Variants in MGMT observed in about 807,000 individuals in gnomAD.
MGMT encodes methylated-DNA--protein-cysteine methyltransferase.
In MGMT, 14 loss-of-function variants were observed where a neutral mutation model predicts 15.9. The observed-to-expected ratio is 0.88, with a 90% CI of 0.58 to 1.37. The LOEUF is 1.37. Ranked by LOEUF, MGMT falls within the 40% of genes most tolerant of loss-of-function variation. The probability of loss-of-function intolerance (pLI) is 0.00; values close to 1 mark genes in which losing one functional copy is unlikely to be tolerated. For missense variants in MGMT, 282 were observed against 268.1 expected, an observed-to-expected ratio of 1.05 and a Z score of -0.36; for synonymous variants, 130 against 118.2, an observed-to-expected ratio of 1.10 and a Z score of -0.65.
At chr10:129,582,320 G>T (rs891163488) in intron 2 of MGMT, among the ~76,000 whole-genome samples, 7 of 152,224 alleles carry the variant, frequency 4.6e-5, no homozygotes, top group African/African-American at 1.7e-4. Context: ...TCTGTTGTCA[G>T]TGAATTAGTT....
intron 2 of MGMT, among the ~76,000 whole-genome samples, chr10:129,601,031 A>G (rs577941880): frequency 2.5e-4 from 38 of 151,782 alleles, no homozygotes; most frequent in Non-Finnish European, 4.9e-4. Flanking sequence ...TAAGGACCAG[A>G]TTTAAGTAGC....
chr10:129,495,225 A>C (rs1845508269), intron 1 of MGMT, among the ~76,000 whole-genome samples: 1 of 152,250 alleles, frequency 6.6e-6, no homozygotes, highest in South Asian at 2.1e-4. Context: ...TGGTACAAAT[A>C]ACGTAATTTA....
chr10:129,590,711 A>G (rs1343818645), intron 2 of MGMT, among the ~76,000 whole-genome samples: 3 of 152,226 alleles, frequency 2.0e-5, no homozygotes, highest in Admixed American at 6.5e-5. Context: ...AAGATCCAGC[A>G]AGATAGGGTA....
chr10:129,573,374 A>G (rs1179908768), intron 2 of MGMT, among the ~76,000 whole-genome samples: 1 of 152,242 alleles, frequency 6.6e-6, no homozygotes, highest in Non-Finnish European at 1.5e-5. Flanking sequence ...CAATGTTAAC[A>G]GCTTACATAA....
At chr10:129,579,088 A>G (rs995488514) in intron 2 of MGMT, among the ~76,000 whole-genome samples, 1 of 152,238 alleles carries the variant, frequency 6.6e-6, no homozygotes, top group South Asian at 2.1e-4. Context: ...TTGACCTAAC[A>G]GATTAGGATG....
chr10:129,652,430 T>G (rs1479620228), intron 2 of MGMT, among the ~76,000 whole-genome samples: 1 of 152,172 alleles, frequency 6.6e-6, no homozygotes, highest in African/African-American at 2.4e-5. Flanking sequence ...GAGGGGCACG[T>G]TTCTGACCCT....
intron 2 of MGMT, among the ~76,000 whole-genome samples, chr10:129,595,325 T>A (rs1388479267): frequency 6.6e-6 from 1 of 152,196 alleles, no homozygotes; most frequent in African/African-American, 2.4e-5. Flanking sequence ...GTTGGACTCA[T>A]AAGTGTACTC....
At chr10:129,698,193 G>A (rs4750764) in intron 2 of MGMT, among the ~76,000 whole-genome samples, 56,188 of 152,038 alleles carry the variant, frequency 0.37, 11,405 homozygotes, top group Non-Finnish European at 0.45. Context: ...CCAGCAGAGA[G>A]AGACCAGAAT....
intron 2 of MGMT, among the ~76,000 whole-genome samples, chr10:129,553,071 C>A (rs886720454): frequency 2.6e-5 from 4 of 152,130 alleles, no homozygotes; most frequent in African/African-American, 9.7e-5. Flanking sequence ...CTTAACCATG[C>A]GCAGCCAGCT....
chr10:129,715,712 A>C (rs1589953995), intron 3 of MGMT: 2 of 152,220 alleles, frequency 1.3e-5, no homozygotes, highest in Non-Finnish European at 2.9e-5. Flanking sequence ...ATAGAATTGG[A>C]CTATGTTATC....
At chr10:129,753,093 G>A (rs187717561) in intron 3 of MGMT, among the ~76,000 whole-genome samples, 66 of 152,192 alleles carry the variant, frequency 4.3e-4, no homozygotes, top group African/African-American at 1.3e-3. Context: ...CTTAAACATC[G>A]GATATAGAAT....
intron 4 of MGMT, among the ~76,000 whole-genome samples, chr10:129,759,553 G>A (rs542517043): frequency 2.6e-5 from 4 of 152,258 alleles, no homozygotes; most frequent in Admixed American, 1.3e-4. Context: ...CCCCCCTACC[G>A]GGAGCACATC....
intron 1 of MGMT, among the ~76,000 whole-genome samples, chr10:129,475,471 G>C (rs1411143050): frequency 6.6e-6 from 1 of 152,154 alleles, no homozygotes; most frequent in Non-Finnish European, 1.5e-5. Flanking sequence ...TAGAATAATG[G>C]GCGAAGAAAA....
intron 2 of MGMT, among the ~76,000 whole-genome samples, chr10:129,626,769 A>AT (rs537983741): frequency 2.2e-4 from 33 of 152,302 alleles, no homozygotes; most frequent in African/African-American, 7.2e-4. Flanking sequence ...AAAGCAACAG[A>AT]TTTTTTGTTT....
chr10:129,503,648 A>G (rs1369370627), intron 1 of MGMT, among the ~76,000 whole-genome samples: 1 of 152,218 alleles, frequency 6.6e-6, no homozygotes, highest in Non-Finnish European at 1.5e-5. Flanking sequence ...ATAATTGGCA[A>G]CGAGAATGCA....
intron 3 of MGMT, among the ~76,000 whole-genome samples, chr10:129,751,068 AAC>A (rs1381996790): frequency 1.3e-5 from 2 of 152,034 alleles, no homozygotes; most frequent in African/African-American, 4.8e-5. Flanking sequence ...GGTCTCATAA[AAC>A]ACTTTAGAAA....
chr10:129,526,810 G>C (rs1391056660), intron 1 of MGMT, among the ~76,000 whole-genome samples: 2 of 152,174 alleles, frequency 1.3e-5, no homozygotes, highest in African/African-American at 2.4e-5. Context: ...CTACCAGTAG[G>C]GGAAAAAGAA....
At chr10:129,515,765 G>A (rs1011070598) in intron 1 of MGMT, among the ~76,000 whole-genome samples, 4 of 152,164 alleles carry the variant, frequency 2.6e-5, no homozygotes, top group African/African-American at 9.7e-5. Context: ...CCTGTGGACT[G>A]TAAAAGCAGG....
At chr10:129,595,543 G>A (rs778426268) in intron 2 of MGMT, among the ~76,000 whole-genome samples, 16 of 151,354 alleles carry the variant, frequency 1.1e-4, no homozygotes, top group Non-Finnish European at 1.9e-4. Context: ...GGTGGTCTTC[G>A]GGGGGGTCTG....
Sources: allele counts gnomAD v4.1 joint callset (sites outside exome capture counted in the v4.1 genomes callset), GRCh38; gene constraint gnomAD v4.1.1; transcripts MANE v1.5; gene names NCBI Gene and HGNC (gene_info 2026-07-23, HGNC 2026-07-21).